Variants in DRC11 observed in about 807,000 individuals in gnomAD.
DRC11 encodes IQ and AAA domain-containing protein 1.
At chr2:236,395,432 T>C in the DRC11 span, among the ~76,000 whole-genome samples, 5 of 152,248 alleles carry the variant, frequency 3.3e-5, no homozygotes, top group Non-Finnish European at 7.3e-5. Context: ...GTGGAAGAGA[T>C]ACTTCATGTC....
At chr2:236,368,761 T>G in the DRC11 span, 1 of 155,126 alleles carries the variant, frequency 6.4e-6, no homozygotes, top group Non-Finnish European at 1.4e-5. Context: ...TAAATCTGAG[T>G]GTAAAATGCA....
chr2:236,456,519 C>T, the DRC11 span, among the ~76,000 whole-genome samples: 1 of 150,496 alleles, frequency 6.6e-6, no homozygotes, highest in Non-Finnish European at 1.5e-5. This position sits in a 1 kb window ranked among gnomAD's most constrained non-coding sequence, Gnocchi z 5.4. Context: ...TGCTGAGGAC[C>T]CCGATAACCT....
chr2:236,507,155 GAGAAA>G, the DRC11 span: 45 of 1,228,008 alleles, frequency 3.7e-5, no homozygotes, highest in Non-Finnish European at 4.5e-5. Context: ...GAGAGGGGAG[GAGAAA>G]AGAAAAGAAA....
the DRC11 span, among the ~76,000 whole-genome samples, chr2:236,457,905 C>T: frequency 1.3e-5 from 2 of 152,182 alleles, no homozygotes; most frequent in Admixed American, 1.3e-4. This position sits in a 1 kb window ranked among gnomAD's most constrained non-coding sequence, Gnocchi z 4.7. Context: ...TTTAAGCCAC[C>T]AAGTTGGTGT....
chr2:236,332,190 G>A, the DRC11 span: 2 of 153,772 alleles, frequency 1.3e-5, no homozygotes, highest in African/African-American at 4.8e-5. The surrounding 1 kb of genome is among the most constrained non-coding windows in gnomAD (Gnocchi z 5.1). Flanking sequence ...ACACGCATTG[G>A]TTGACTAGAG....
chr2:236,446,762 G>A, the DRC11 span, among the ~76,000 whole-genome samples: 1 of 152,168 alleles, frequency 6.6e-6, no homozygotes, highest in African/African-American at 2.4e-5. The surrounding 1 kb of genome is among the most constrained non-coding windows in gnomAD (Gnocchi z 6.2). Context: ...TCCAGGCCCT[G>A]GACAGGCACT....
chr2:236,454,324 G>A, the DRC11 span, among the ~76,000 whole-genome samples: 803 of 152,242 alleles, frequency 5.3e-3, 5 homozygotes, highest in Non-Finnish European at 6.1e-3. This position sits in a 1 kb window ranked among gnomAD's most constrained non-coding sequence, Gnocchi z 5.3. Flanking sequence ...GTAATTTCAC[G>A]CGAGCTGTGC....
At chr2:236,473,995 T>C in the DRC11 span, among the ~76,000 whole-genome samples, 1 of 152,144 alleles carries the variant, frequency 6.6e-6, no homozygotes, top group South Asian at 2.1e-4. This position sits in a 1 kb window ranked among gnomAD's most constrained non-coding sequence, Gnocchi z 4.8. Flanking sequence ...TCATAAAAAA[T>C]AAATTTTAAA....
At chr2:236,419,513 G>A in the DRC11 span, among the ~76,000 whole-genome samples, 1 of 149,930 alleles carries the variant, frequency 6.7e-6, no homozygotes, top group South Asian at 2.1e-4. The surrounding 1 kb of genome is among the most constrained non-coding windows in gnomAD (Gnocchi z 4.8). Context: ...CGACGTTTCT[G>A]AGCCCAGTTC....
chr2:236,335,063 A>G, the DRC11 span, among the ~76,000 whole-genome samples: 1 of 152,186 alleles, frequency 6.6e-6, no homozygotes, highest in Admixed American at 6.5e-5. The surrounding 1 kb of genome is among the most constrained non-coding windows in gnomAD (Gnocchi z 5.6). Context: ...TGTTTCCTCT[A>G]CAAATCCACC....
the DRC11 span, chr2:236,507,276 A>G: frequency 1.2e-6 from 2 of 1,613,962 alleles, no homozygotes; most frequent in East Asian, 2.2e-5. Flanking sequence ...ATTGCTGGCT[A>G]CTTTCCCTCT....
the DRC11 span, among the ~76,000 whole-genome samples, chr2:236,446,507 G>A: frequency 1.3e-5 from 2 of 152,294 alleles, no homozygotes; most frequent in East Asian, 3.9e-4. The surrounding 1 kb of genome is among the most constrained non-coding windows in gnomAD (Gnocchi z 6.2). Flanking sequence ...GCTTTTTGTG[G>A]AACCTGATTC....
the DRC11 span, among the ~76,000 whole-genome samples, chr2:236,308,589 C>T: frequency 2.0e-5 from 3 of 152,212 alleles, no homozygotes; most frequent in Non-Finnish European, 4.4e-5. This position sits in a 1 kb window ranked among gnomAD's most constrained non-coding sequence, Gnocchi z 6.0. Context: ...CTCTGCCTTC[C>T]ATCCAGAAGG....
chr2:236,424,197 G>T, the DRC11 span, among the ~76,000 whole-genome samples: 1 of 151,546 alleles, frequency 6.6e-6, no homozygotes, highest in Non-Finnish European at 1.5e-5. Flanking sequence ...AACTTAAAGT[G>T]TAAAAAAAAA....
the DRC11 span, among the ~76,000 whole-genome samples, chr2:236,358,411 A>T: frequency 4.7e-4 from 66 of 140,374 alleles, no homozygotes; most frequent in Non-Finnish European, 8.6e-4. Context: ...ATATAAATAT[A>T]TATGATATAT....
At chr2:236,465,621 A>G in the DRC11 span, 11 of 1,613,874 alleles carry the variant, frequency 6.8e-6, no homozygotes, top group Middle Eastern at 1.6e-4. This position sits in a 1 kb window ranked among gnomAD's most constrained non-coding sequence, Gnocchi z 6.2. Flanking sequence ...AGTCCTCTTC[A>G]TGCTTTATCT....
At chr2:236,403,683 A>G in the DRC11 span, among the ~76,000 whole-genome samples, 1 of 151,870 alleles carries the variant, frequency 6.6e-6, no homozygotes, top group Non-Finnish European at 1.5e-5. Flanking sequence ...TTTGCTTTTC[A>G]TTTCCTAACT....
At chr2:236,357,160 A>ATATAT in the DRC11 span, among the ~76,000 whole-genome samples, 2 of 73,298 alleles carry the variant, frequency 2.7e-5, no homozygotes, top group Non-Finnish European at 4.6e-5. Context: ...TTATGTATTC[A>ATATAT]TATATATCTA....
the DRC11 span, among the ~76,000 whole-genome samples, chr2:236,477,307 C>T: frequency 6.6e-6 from 1 of 152,138 alleles, no homozygotes; most frequent in African/African-American, 2.4e-5. Context: ...GTATTACATA[C>T]TGTATTCTTA....
Sources: allele counts gnomAD v4.1 joint callset (sites outside exome capture counted in the v4.1 genomes callset), GRCh38; gene constraint gnomAD v4.1.1; non-coding constraint Gnocchi (gnomAD v3.1); transcripts MANE v1.5; gene names NCBI Gene and HGNC (gene_info 2026-07-23, HGNC 2026-07-21).